Variants in RERE observed in about 807,000 individuals in gnomAD.
The protein encoded by RERE is arginine-glutamic acid dipeptide repeats protein.
Under a neutral mutation model 146.1 loss-of-function variants are expected in RERE, and 40 were observed. The observed-to-expected ratio is 0.27, with a 90% CI of 0.21 to 0.36. The LOEUF (loss-of-function observed/expected upper bound fraction) is 0.36. Among genes scored for constraint, RERE ranks in the 10% least tolerant of loss-of-function variants. The probability of loss-of-function intolerance (pLI) is 1.00; values close to 1 mark genes in which losing one functional copy is unlikely to be tolerated. For missense variants in RERE, 1,933 were observed against 2,138.7 expected (o/e 0.90, Z 1.90); for synonymous variants, 1,003 against 866.0 (o/e 1.16, Z -2.78).
intron 1 of RERE, among the ~76,000 whole-genome samples, chr1:8,701,615 G>C (rs1392833923): frequency 1.3e-4 from 20 of 152,174 alleles, no homozygotes. Flanking sequence ...GGGAAAAAGT[G>C]TAATCTTGGT....
intron 11 of RERE, among the ~76,000 whole-genome samples, chr1:8,427,753 G>A (rs1317902453): frequency 6.6e-6 from 1 of 151,402 alleles, no homozygotes; most frequent in Non-Finnish European, 1.5e-5. Context: ...TCAGAGACCA[G>A]CCTTTAGCTT....
chr1:8,357,459 C>T (rs1470159898), intron 20 of RERE, among the ~76,000 whole-genome samples: 1 of 152,228 alleles, frequency 6.6e-6, no homozygotes, highest in African/African-American at 2.4e-5. Flanking sequence ...AGTCATCCTG[C>T]CCCACACTGG....
chr1:8,530,778 G>A (rs1186380524), intron 7 of RERE, among the ~76,000 whole-genome samples: 2 of 135,832 alleles, frequency 1.5e-5, no homozygotes, highest in South Asian at 2.5e-4. Context: ...TGCAAGCTCC[G>A]CTTCCCGGGT....
At chr1:8,676,213 T>C (rs1557474578) in intron 1 of RERE, among the ~76,000 whole-genome samples, 1 of 152,168 alleles carries the variant, frequency 6.6e-6, no homozygotes, top group Non-Finnish European at 1.5e-5. Context: ...AGTCACAGAT[T>C]AGAATAACAC....
chr1:8,380,097 G>A (rs1224411495), intron 12 of RERE, among the ~76,000 whole-genome samples: 5 of 152,160 alleles, frequency 3.3e-5, no homozygotes, highest in Non-Finnish European at 5.9e-5. Flanking sequence ...TGTGCTCCCA[G>A]AACATACCAT....
chr1:8,548,836 T>C (rs1034054154), intron 6 of RERE, among the ~76,000 whole-genome samples: 2 of 151,614 alleles, frequency 1.3e-5, no homozygotes, highest in African/African-American at 4.9e-5. Flanking sequence ...TACAAAAAAA[T>C]TGGCCAGGTG....
At chr1:8,744,829 C>G (rs4908778) in intron 1 of RERE, among the ~76,000 whole-genome samples, 32,914 of 152,086 alleles carry the variant, frequency 0.22, 3,831 homozygotes, top group Middle Eastern at 0.27. Flanking sequence ...ATAGTATGTA[C>G]AGGATAATGG....
chr1:8,517,344 T>A (rs1460922329), intron 7 of RERE, among the ~76,000 whole-genome samples: 3 of 152,190 alleles, frequency 2.0e-5, no homozygotes, highest in Non-Finnish European at 4.4e-5. Flanking sequence ...GGGCCACAGC[T>A]TATTAGCAAT....
chr1:8,362,882 C>G, intron 15 of RERE, 38 bp from the exon 16 acceptor site: 1 of 1,585,988 alleles, frequency 6.3e-7, no homozygotes, highest in Non-Finnish European at 8.6e-7. Context: ...CACCAGATTC[C>G]CAGTCCCCAT....
intron 12 of RERE, among the ~76,000 whole-genome samples, chr1:8,369,742 A>G (rs1262187541): frequency 3.9e-5 from 6 of 152,042 alleles, no homozygotes; most frequent in Non-Finnish European, 5.9e-5. Flanking sequence ...AAGAAAAAAA[A>G]AATTCTCACA....
chr1:8,548,667 G>A (rs762657775), intron 6 of RERE, among the ~76,000 whole-genome samples: 5 of 152,206 alleles, frequency 3.3e-5, no homozygotes, highest in Non-Finnish European at 7.3e-5. Flanking sequence ...GGAGAAAGCA[G>A]TTATAAATAA....
intron 2 of RERE, among the ~76,000 whole-genome samples, chr1:8,632,035 C>G (rs1191299187): frequency 6.6e-6 from 1 of 152,086 alleles, no homozygotes; most frequent in African/African-American, 2.4e-5. Flanking sequence ...TCCCCTCCCC[C>G]AAAAAAACTA....
chr1:8,510,982 T>A (rs1570368193), intron 7 of RERE, among the ~76,000 whole-genome samples: 1 of 152,226 alleles, frequency 6.6e-6, no homozygotes, highest in East Asian at 1.9e-4. Flanking sequence ...CTCAAAACCC[T>A]GGGCTCAAAG....
chr1:8,504,624 C>T (rs1433287815), intron 8 of RERE, among the ~76,000 whole-genome samples: 1 of 152,046 alleles, frequency 6.6e-6, no homozygotes, highest in Non-Finnish European at 1.5e-5. Flanking sequence ...GAGGCCAAGG[C>T]GGGTGTTTCA....
intron 4 of RERE, among the ~76,000 whole-genome samples, chr1:8,562,433 T>TG (rs1282110122): frequency 6.6e-6 from 1 of 152,098 alleles, no homozygotes; most frequent in African/African-American, 2.4e-5. Flanking sequence ...GGTGTACTTC[T>TG]GAATAGTAAG....
intron 12 of RERE, among the ~76,000 whole-genome samples, chr1:8,367,300 T>A (rs1056080400): frequency 6.6e-6 from 1 of 152,208 alleles, no homozygotes; most frequent in African/African-American, 2.4e-5. Flanking sequence ...GGGCAGATTT[T>A]AGGTGGTGGG....
chr1:8,805,012 T>TTG (rs1557553425), intron 1 of RERE, among the ~76,000 whole-genome samples: 21 of 139,650 alleles, frequency 1.5e-4, no homozygotes, highest in African/African-American at 5.6e-4. Flanking sequence ...TTTTTGGTTT[T>TTG]TTTTTTTTTT....
chr1:8,362,665 A>C lies in RERE; in HGVS notation c.1902+18T>G, dbSNP rs1015535713. On this transcript the variant is annotated intron_variant, in intron 16 of 22. Transcript: ENST00000400908. ...AGGGAGGGACAGAGTAGGCCCTACT[A>C]TCCCCCCAGCACCTGACCTTGGCCG... 6 of 1,613,950 alleles carry C rather than the reference A, an allele frequency of 3.7e-6. No homozygotes were observed. Among genetic ancestry groups the C allele is most frequent in the Admixed American group, 1.7e-5 (1 of 60,000 alleles).
intron 7 of RERE, among the ~76,000 whole-genome samples, chr1:8,532,571 C>T (rs1349023344): frequency 1.3e-5 from 2 of 151,974 alleles, no homozygotes; most frequent in Non-Finnish European, 2.9e-5. Context: ...CAGGTGTGCA[C>T]CACCATGCCT....
Sources: allele counts gnomAD v4.1 joint callset (sites outside exome capture counted in the v4.1 genomes callset), GRCh38; gene constraint gnomAD v4.1.1; transcripts MANE v1.5; gene names NCBI Gene and HGNC (gene_info 2026-07-23, HGNC 2026-07-21).